Variants in PPP6R3 observed in about 807,000 individuals in gnomAD.
PPP6R3 encodes protein phosphatase 6 regulatory subunit 3, also known as serine/threonine-protein phosphatase 6 regulatory subunit 3.
Under a neutral mutation model 110.7 loss-of-function variants are expected in PPP6R3, and 38 were observed. The ratio of observed to expected loss-of-function variants is 0.34; its 90% confidence interval spans 0.26 to 0.45. The LOEUF (loss-of-function observed/expected upper bound fraction) is 0.45, where lower values mean the gene tolerates loss of function less well. Ranked by LOEUF, PPP6R3 falls within the 20% of genes least tolerant of loss-of-function variation. The pLI is 1.00. For missense variants in PPP6R3, 870 were observed against 1,062.4 expected (o/e 0.82, Z 2.52); for synonymous variants, 369 against 373.5 (o/e 0.99, Z 0.14).
At chr11:68,514,530 G>C (rs77750899) in intron 1 of PPP6R3, among the ~76,000 whole-genome samples, 14 of 152,084 alleles carry the variant, frequency 9.2e-5, no homozygotes, top group Admixed American at 2.0e-4. Context: ...CTATTTTATT[G>C]TGTAAAGTGA....
At chr11:68,481,545 G>A (rs2098912383) in intron 1 of PPP6R3, among the ~76,000 whole-genome samples, 2 of 152,236 alleles carry the variant, frequency 1.3e-5, no homozygotes, top group Admixed American at 1.3e-4. Context: ...GGATTGTAGA[G>A]GACATGGGTT....
At chr11:68,549,462 T>A (rs2099362255) in intron 5 of PPP6R3, among the ~76,000 whole-genome samples, 1 of 152,066 alleles carries the variant, frequency 6.6e-6, no homozygotes, top group African/African-American at 2.4e-5. Flanking sequence ...GATTTGTTGG[T>A]GACCCAGGCA....
intron 11 of PPP6R3, 91 bp downstream of exon 11, chr11:68,569,988 T>A: frequency 2.5e-6 from 3 of 1,214,730 alleles, no homozygotes; most frequent in Non-Finnish European, 3.4e-6. Context: ...TTTAAAGGGC[T>A]TGAGGTTAGA....
chr11:68,521,110 C>T (rs746767442), intron 2 of PPP6R3, among the ~76,000 whole-genome samples: 3 of 152,240 alleles, frequency 2.0e-5, no homozygotes, highest in East Asian at 3.9e-4. Context: ...TTTGAATTCA[C>T]GTCTTCTGGG....
chr11:68,480,814 T>A (rs1047353215), intron 1 of PPP6R3, among the ~76,000 whole-genome samples: 3 of 152,248 alleles, frequency 2.0e-5, no homozygotes, highest in African/African-American at 4.8e-5. Flanking sequence ...TTAGCAAATA[T>A]ATGATTTTTT....
chr11:68,595,103 T>C (rs2099609513), intron 18 of PPP6R3, among the ~76,000 whole-genome samples: 1 of 150,996 alleles, frequency 6.6e-6, no homozygotes, highest in African/African-American at 2.4e-5. Flanking sequence ...AACATTAAAC[T>C]ATAAAACTTC....
chr11:68,570,165 A>G (rs971086365), intron 11 of PPP6R3, among the ~76,000 whole-genome samples: 6 of 152,246 alleles, frequency 3.9e-5, no homozygotes, highest in Admixed American at 2.6e-4. Context: ...AGATATATAA[A>G]TTCTTTGATG....
chr11:68,573,491 A>G (rs2099518591), intron 12 of PPP6R3, among the ~76,000 whole-genome samples: 1 of 152,094 alleles, frequency 6.6e-6, no homozygotes, highest in Non-Finnish European at 1.5e-5. Flanking sequence ...GGTTGGGAAG[A>G]TGAGACCTTA....
intron 10 of PPP6R3, among the ~76,000 whole-genome samples, chr11:68,567,425 C>T (rs563674241): frequency 6.6e-6 from 1 of 152,272 alleles, no homozygotes; most frequent in South Asian, 2.1e-4. Context: ...TCGGCTTTTC[C>T]CTCGTGCTCC....
intron 1 of PPP6R3, among the ~76,000 whole-genome samples, chr11:68,507,316 G>A (rs1260192720): frequency 1.3e-5 from 2 of 149,220 alleles, no homozygotes; most frequent in Non-Finnish European, 3.0e-5. Context: ...TTCCTACCTC[G>A]GGCTGTACTA....
At chr11:68,575,170 T>A (rs1232517274) in intron 13 of PPP6R3, among the ~76,000 whole-genome samples, 5 of 152,096 alleles carry the variant, frequency 3.3e-5, no homozygotes, top group Non-Finnish European at 7.4e-5. Context: ...TATGACTGAG[T>A]TTTTAGATCA....
intron 8 of PPP6R3, among the ~76,000 whole-genome samples, chr11:68,561,719 T>G (rs1035608182): frequency 6.6e-6 from 1 of 152,204 alleles, no homozygotes; most frequent in Admixed American, 6.5e-5. Context: ...CTCAGCAGAT[T>G]AGTATTAGAA....
chr11:68,603,059 G>A (rs2099636520), intron 21 of PPP6R3, among the ~76,000 whole-genome samples: 1 of 152,164 alleles, frequency 6.6e-6, no homozygotes, highest in Non-Finnish European at 1.5e-5. Context: ...ACAAGTGTCT[G>A]CTGGGAGAAG....
intron 1 of PPP6R3, among the ~76,000 whole-genome samples, chr11:68,478,647 G>GTTTTTTT (rs769296530): frequency 0.14 from 7,004 of 50,298 alleles, 2,802 homozygotes; most frequent in Admixed American, 0.16. Context: ...CACTTGGTAA[G>GTTTTTTT]TTTTTTTTTT....
intron 1 of PPP6R3, among the ~76,000 whole-genome samples, chr11:68,485,210 T>G (rs151277757): frequency 6.6e-6 from 1 of 151,792 alleles, no homozygotes; most frequent in East Asian, 1.9e-4. Flanking sequence ...AGGAAAGCAG[T>G]TGATGTTTGT....
At chr11:68,518,007 G>A (rs1017262723) in intron 1 of PPP6R3, among the ~76,000 whole-genome samples, 14 of 151,942 alleles carry the variant, frequency 9.2e-5, no homozygotes, top group African/African-American at 2.9e-4. Context: ...GAAAGAATAA[G>A]TGGGGAGAAG....
At chr11:68,591,881 T>C (rs2099596434) in intron 18 of PPP6R3, among the ~76,000 whole-genome samples, 175 bp downstream of exon 18, 1 of 152,194 alleles carries the variant, frequency 6.6e-6, no homozygotes, top group African/African-American at 2.4e-5. Flanking sequence ...AGTGTGACAG[T>C]GATCTGCTGG....
intron 14 of PPP6R3, among the ~76,000 whole-genome samples, chr11:68,580,746 C>CTTTTTTTTTTTTTTTTTTTTTTTTT (rs71043441): frequency 1.5e-5 from 1 of 67,476 alleles, no homozygotes; most frequent in Admixed American, 2.4e-4. Context: ...GGTAAATAAT[C>CTTTTTTTTTTTTTTTTTTTTTTTTT]TTTTTTTTTT....
chr11:68,583,125 A>C lies in PPP6R3; in HGVS notation c.1628A>C (p.Gln543Pro), dbSNP rs1395496507. Residue 543 changes from glutamine (Q) to proline (P), a missense_variant, in exon 15 of 24, where the codon CAG (glutamine) becomes CCG (proline). Coordinates refer to ENST00000393800, the MANE Select transcript of PPP6R3 (RefSeq NM_001164161.2). ...GGTTTCTCACAGGATTCTTCTTTGC[A>C]GCAAGTGAGTCACGCCTAAAGCTTT... ...ETGFSQDSSLQQAFSDYQMQQ... is the reference protein window; with the variant it reads ...ETGFSQDSSLPQAFSDYQMQQ... 6.5e-7 allele frequency: 1 copy of C among 1,536,284 alleles called. No individual in the cohort carries two copies. Among genetic ancestry groups the C allele is most frequent in the Admixed American group, 2.0e-5 (1 of 49,964 alleles).
Sources: allele counts gnomAD v4.1 joint callset (sites outside exome capture counted in the v4.1 genomes callset), GRCh38; gene constraint gnomAD v4.1.1; transcripts MANE v1.5; gene names NCBI Gene and HGNC (gene_info 2026-07-23, HGNC 2026-07-21).